The following TBC1D9 variants were observed in gnomAD, a reference collection of about 807,000 sequenced individuals.
The protein encoded by TBC1D9 is TBC1 domain family member 9A.
Under a neutral mutation model 132.0 loss-of-function variants are expected in TBC1D9, and 63 were observed. The observed-to-expected ratio is 0.48, with a 90% confidence interval of 0.39 to 0.59. The LOEUF (loss-of-function observed/expected upper bound fraction) is 0.59. TBC1D9 is among the 20% of genes least tolerant of loss of function. The probability of loss-of-function intolerance (pLI) is 0.00; values close to 1 mark genes in which losing one functional copy is unlikely to be tolerated. For synonymous variants in TBC1D9, 610 were observed against 609.9 expected (o/e 1.00, Z 0.00); for missense variants, 1,261 against 1,592.7 (o/e 0.79, Z 3.54).
chr4:140,726,261 C>T (rs543617009), intron 1 of TBC1D9, among the ~76,000 whole-genome samples: 2 of 152,044 alleles, frequency 1.3e-5, no homozygotes, highest in Admixed American at 1.3e-4. Flanking sequence ...TGAACTCCAC[C>T]CTGGGCGACG....
intron 2 of TBC1D9, among the ~76,000 whole-genome samples, chr4:140,692,012 C>A (rs962244752): frequency 3.3e-5 from 5 of 152,140 alleles, no homozygotes; most frequent in African/African-American, 9.7e-5. Context: ...TTTTGTGATG[C>A]ATGATTCATA....
intron 1 of TBC1D9, among the ~76,000 whole-genome samples, chr4:140,749,864 C>T (rs1213615569): frequency 1.2e-4 from 19 of 152,078 alleles, no homozygotes; most frequent in Admixed American, 1.1e-3. Context: ...TACATGTGAA[C>T]ATTTCATAAT....
At chr4:140,739,728 C>T (rs919740706) in intron 1 of TBC1D9, among the ~76,000 whole-genome samples, 1 of 152,146 alleles carries the variant, frequency 6.6e-6, no homozygotes, top group Non-Finnish European at 1.5e-5. Flanking sequence ...TAAAGCTGGG[C>T]ACAGCGGTAC....
At chr4:140,673,184 T>A (rs1465733534) in intron 6 of TBC1D9, among the ~76,000 whole-genome samples, 1 of 151,026 alleles carries the variant, frequency 6.6e-6, no homozygotes, top group African/African-American at 2.4e-5. Flanking sequence ...AAAAAAAAAA[T>A]TCCTTCTCTT....
chr4:140,703,596 C>A (rs967536070), intron 1 of TBC1D9, among the ~76,000 whole-genome samples: 6 of 152,122 alleles, frequency 3.9e-5, no homozygotes, highest in African/African-American at 1.4e-4. Flanking sequence ...AATCAAGAAG[C>A]CTAAGTGAGG....
rs1310716040 is a variant in TBC1D9, at chr4:140,701,594, C to G, written c.151G>C (p.Asp51His). Residue 51 changes from aspartate (D) to histidine (H), a missense_variant, in exon 2 of 21, where the codon GAT becomes CAT. Transcript: ENST00000442267. ...CGGGCGCTGGAGTCCAACACAACAT[C>G]AAGGGTACCCACCAGCAGGCCTGAG... ...GLAGLLVGTL[D>H]VVLDSSARVA... 6.2e-7 allele frequency: 1 copy of G among 1,613,822 alleles called. No individual in the cohort carries two copies. Among genetic ancestry groups the G allele is most frequent in the Non-Finnish European group, 8.5e-7 (1 of 1,179,856 alleles).
At chr4:140,662,733 A>G (rs1258208983) in intron 9 of TBC1D9, among the ~76,000 whole-genome samples, 1 of 152,166 alleles carries the variant, frequency 6.6e-6, no homozygotes, top group African/African-American at 2.4e-5. Flanking sequence ...TTATACTGAG[A>G]ATCATCCATT....
intron 1 of TBC1D9, among the ~76,000 whole-genome samples, chr4:140,746,037 TCTAA>T (rs1347830685): frequency 6.6e-6 from 1 of 152,206 alleles, no homozygotes; most frequent in African/African-American, 2.4e-5. Context: ...AGTCCAATGC[TCTAA>T]CTCAGATGGA....
intron 1 of TBC1D9, among the ~76,000 whole-genome samples, chr4:140,703,111 G>A (rs529853406): frequency 6.6e-4 from 100 of 152,310 alleles, no homozygotes; most frequent in African/African-American, 2.2e-3. Flanking sequence ...TAGATTGCAT[G>A]TTTATAGAGG....
chr4:140,669,584 T>C (rs1340347408), intron 8 of TBC1D9, 50 bp downstream of exon 8: 2 of 1,553,532 alleles, frequency 1.3e-6, no homozygotes, highest in African/African-American at 1.4e-5. Context: ...ATATTGTTAA[T>C]GGCATTGTTC....
chr4:140,679,238 A>AT (rs1379409620), intron 4 of TBC1D9, 35 bp from the exon 5 acceptor site: 3 of 1,589,420 alleles, frequency 1.9e-6, no homozygotes, highest in African/African-American at 2.7e-5. Flanking sequence ...TCAACATCTG[A>AT]TTCCTGAAAA....
chr4:140,670,886 G>A lies in TBC1D9; in HGVS notation c.1100C>T (p.Pro367Leu). 1 of 1,613,960 alleles carries A rather than the reference G, an allele frequency of 6.2e-7. No individual in the cohort carries two copies. Among genetic ancestry groups the A allele is most frequent in the Non-Finnish European group, 8.5e-7 (1 of 1,179,886 alleles). Reference sequence around the variant, plus strand: ...TCGGGTGCTGATGGATAAGGGACTGGGGAGCACACTGGAGCTGTCTGCCTT... The same window carrying A: ...TCGGGTGCTGATGGATAAGGGACTGAGGAGCACACTGGAGCTGTCTGCCTT... ...VEKADSSSVL[P>L]SPLSISTRNR... is the part of the protein sequence containing the mutation. Residue 367 changes from proline to leucine, a missense_variant, in exon 7 of 21, where the codon CCC becomes CTC. Pro to Leu is a moderately conservative substitution (Grantham distance 98, BLOSUM62 -3). Transcript: ENST00000442267.
intron 2 of TBC1D9, among the ~76,000 whole-genome samples, chr4:140,695,926 T>C (rs1737948347): frequency 6.6e-6 from 1 of 152,176 alleles, no homozygotes; most frequent in South Asian, 2.1e-4. Context: ...ACTGGCTGGA[T>C]AAAAGGTAGA....
At chr4:140,722,730 C>A (rs999175634) in intron 1 of TBC1D9, among the ~76,000 whole-genome samples, 4 of 152,176 alleles carry the variant, frequency 2.6e-5, no homozygotes, top group African/African-American at 9.7e-5. Flanking sequence ...CTGCTCCAGG[C>A]TGGTGTTATT....
chr4:140,630,101 C>A (rs941409080), intron 16 of TBC1D9, among the ~76,000 whole-genome samples: 1 of 152,174 alleles, frequency 6.6e-6, no homozygotes, highest in African/African-American at 2.4e-5. Context: ...ATACTACATG[C>A]AGACATCCTA....
chr4:140,735,416 T>C (rs1738657390), intron 1 of TBC1D9, among the ~76,000 whole-genome samples: 1 of 152,204 alleles, frequency 6.6e-6, no homozygotes, highest in African/African-American at 2.4e-5. Context: ...GTGACTTTTA[T>C]AAGCATATAT....
intron 3 of TBC1D9, 142 bp downstream of exon 3, chr4:140,686,202 G>T: frequency 1.7e-6 from 1 of 574,706 alleles, no homozygotes; most frequent in Non-Finnish European, 3.0e-6. Flanking sequence ...ACACACATAT[G>T]AGAAAGCAAA....
chr4:140,637,991 T>C (rs1268960554), intron 15 of TBC1D9, among the ~76,000 whole-genome samples: 1 of 152,234 alleles, frequency 6.6e-6, no homozygotes, highest in Non-Finnish European at 1.5e-5. Flanking sequence ...ACTAGTGCAC[T>C]TTACCAGGCA....
rs376582232 is a variant in TBC1D9 at position 140,669,668 on chromosome 4, C to T, written c.1403G>A (p.Arg468Gln). 9.5e-5 allele frequency: 153 copies of T among 1,613,218 alleles called. No homozygotes were observed. The highest frequency in any genetic ancestry group is 1.3e-4 in the Non-Finnish European group (150 of 1,179,380). The change falls in exon 8 of 21, where the codon CGG becomes CAG. Residue 468 changes from arginine to glutamine, a missense_variant. By Grantham distance (43) the Arg-to-Gln change is conservative (BLOSUM62 1). Transcript: ENST00000442267. ...GTTGAACTCCTCGGGAGACCGCCGCCGATACATGGTCATCAGGGTCTGTGT... is the reference window on the plus strand; with the variant it reads ...GTTGAACTCCTCGGGAGACCGCCGCTGATACATGGTCATCAGGGTCTGTGT... Reference protein sequence around the residue: ...TATQTLMTMYRRRSPEEFNPK... With the variant: ...TATQTLMTMYQRRSPEEFNPK...
Sources: allele counts gnomAD v4.1 joint callset (sites outside exome capture counted in the v4.1 genomes callset), GRCh38; gene constraint gnomAD v4.1.1; transcripts MANE v1.5; gene names NCBI Gene and HGNC (gene_info 2026-07-23, HGNC 2026-07-21).